DGKH: variants seen among roughly 807,000 people sequenced by gnomAD.
The protein encoded by DGKH is DAG kinase eta.
DGKH carries 90 observed loss-of-function variants against 159.3 expected under a neutral mutation model. That is an observed-to-expected ratio of 0.57 (90% CI 0.48 to 0.67). DGKH has a LOEUF of 0.67. Ranked by LOEUF, DGKH falls within the 30% of genes least tolerant of loss-of-function variation. DGKH has a pLI of 0.00. For synonymous variants in DGKH, 536 were observed against 553.8 expected (o/e 0.97, Z 0.45); for missense variants, 1,181 against 1,506.1 (o/e 0.78, Z 3.57).
At chr13:42,195,041 G>A (rs1566179262) in intron 17 of DGKH, 25 bp downstream of exon 17, 1 of 1,602,098 alleles carries the variant, frequency 6.2e-7, no homozygotes, top group Admixed American at 1.8e-5. Flanking sequence ...GAAACATCGT[G>A]TATTTTTCAG....
intron 27 of DGKH, 115 bp downstream of exon 27, chr13:42,219,464 A>T (rs760081215): frequency 4.8e-6 from 7 of 1,452,032 alleles, no homozygotes; most frequent in Non-Finnish European, 5.6e-6. Flanking sequence ...ACTACTTTCA[A>T]ATGTTCTGTT....
chr13:42,215,542 A>G, intron 25 of DGKH, 33 bp from the exon 26 acceptor site: 2 of 1,494,970 alleles, frequency 1.3e-6, no homozygotes, highest in South Asian at 1.2e-5. Flanking sequence ...ATTTTAATAC[A>G]GATCACATGT....
intron 1 of DGKH, among the ~76,000 whole-genome samples, chr13:42,119,871 A>C (rs559710048): frequency 1.1e-4 from 16 of 151,938 alleles, no homozygotes; most frequent in Non-Finnish European, 2.4e-4. Flanking sequence ...TATACCTCTT[A>C]TTTTTTGCAC....
At chr13:42,226,367 T>A (rs1234030169) in intron 29 of DGKH, among the ~76,000 whole-genome samples, 1 of 152,140 alleles carries the variant, frequency 6.6e-6, no homozygotes, top group African/African-American at 2.4e-5. Context: ...ATTAGTTCAA[T>A]CATTGTGGAA....
chr13:42,079,794 A>C (rs142863774), intron 1 of DGKH, among the ~76,000 whole-genome samples: 1,679 of 152,316 alleles, frequency 0.011, 39 homozygotes, highest in African/African-American at 0.038. Flanking sequence ...ATTTTACCAC[A>C]GTTTGTGCAC....
At chr13:42,182,462 C>T (rs982535941) in intron 13 of DGKH, among the ~76,000 whole-genome samples, 6 of 152,126 alleles carry the variant, frequency 3.9e-5, no homozygotes, top group East Asian at 3.8e-4. Flanking sequence ...TTCATAGGTA[C>T]TCAAGTCCCT....
Position 42,052,690 on chromosome 13 carries a change from A to C in DGKH, c.192+3725A>C, listed in dbSNP as rs1229552567. ...ATTGGGTTTTGAGGATGAATGTGAA[A>C]GAAGCTTTGTGTGTTTTTTGTTGGC... On this transcript the variant is annotated intron_variant, in intron 1 of 29. Transcript: ENST00000337343. 2.0e-5 allele frequency among the ~76,000 whole-genome samples: 3 copies of C among 152,264 alleles called. No individual in the cohort carries two copies. The East Asian group carries it at 5.8e-4, about 29-fold the overall frequency.
chr13:42,088,112 C>A (rs1020020007), intron 1 of DGKH, among the ~76,000 whole-genome samples: 1 of 151,990 alleles, frequency 6.6e-6, no homozygotes, highest in African/African-American at 2.4e-5. Flanking sequence ...GACAATAGAG[C>A]GACAGTTTTA....
chr13:42,065,740 T>C (rs1416386185), intron 1 of DGKH, among the ~76,000 whole-genome samples: 7 of 151,966 alleles, frequency 4.6e-5, no homozygotes, highest in Non-Finnish European at 1.0e-4. Context: ...GAGGCCGGGG[T>C]CCCATCGGAG....
chr13:42,165,755 A>G (rs927782413), intron 8 of DGKH, among the ~76,000 whole-genome samples: 7 of 151,996 alleles, frequency 4.6e-5, no homozygotes, highest in African/African-American at 9.7e-5. Context: ...TTTTTCCTCT[A>G]TAATTGAAAC....
chr13:42,070,184 C>T (rs1165094143), intron 1 of DGKH: 14 of 950,008 alleles, frequency 1.5e-5, no homozygotes, highest in Non-Finnish European at 2.3e-5. Flanking sequence ...ATTAACCAAT[C>T]CATGGGGCTA....
chr13:42,199,800 T>C lies in DGKH; in HGVS notation c.2397-13T>C. 6.3e-7 allele frequency: 1 copy of C among 1,594,512 alleles called. No homozygotes were observed. On this transcript the variant is annotated splice_polypyrimidine_tract_variant and intron_variant, in intron 19 of 29. Coordinates refer to ENST00000337343, the MANE Select transcript of DGKH (RefSeq NM_178009.5). ...AAAATTTCCTGAAATTGCCTGCCAA[T>C]ATTTATTTTCAGGAGCCGAACTAAA...
In DGKH at chr13:42,209,400, G is replaced by C. The variant is rs1957582396; in HGVS notation, c.2785G>C (p.Val929Leu). 1 of 1,613,674 alleles carries C rather than the reference G, an allele frequency of 6.2e-7. No individual in the cohort carries two copies. The highest frequency in any genetic ancestry group is 8.5e-7 in the Non-Finnish European group (1 of 1,179,796). ...AGTGCAAGTGGATGGTGAAGCGTGG[G>C]TTCAGCCTCCAGGGATTATCAAAAT... is the stretch of plus-strand genomic sequence containing the variant. ...VPVQVDGEAW[V>L]QPPGIIKIVH... Residue 929 changes from valine to leucine, a missense_variant, in exon 23 of 30, where the codon GTT (valine) becomes CTT (leucine). Val to Leu is a conservative substitution (Grantham distance 32, BLOSUM62 1). Transcript: ENST00000337343.
intron 29 of DGKH, chr13:42,225,139 T>G (rs1594241901): frequency 1.5e-6 from 1 of 670,530 alleles, no homozygotes. Flanking sequence ...TCCAGGCTGG[T>G]CTTGAACTCC....
At chr13:42,184,794 G>A (rs1308825824) in intron 13 of DGKH, among the ~76,000 whole-genome samples, 1 of 151,914 alleles carries the variant, frequency 6.6e-6, no homozygotes, top group African/African-American at 2.4e-5. Context: ...TTGAGCCCAG[G>A]AGTTCAGGGA....
At chr13:42,141,122 A>G (rs993233277) in intron 3 of DGKH, among the ~76,000 whole-genome samples, 1 of 142,698 alleles carries the variant, frequency 7.0e-6, no homozygotes, top group Non-Finnish European at 1.5e-5. Context: ...CTCATTCTTC[A>G]ATTCCCACCT....
intron 1 of DGKH, among the ~76,000 whole-genome samples, chr13:42,086,109 G>C (rs1178737966): frequency 3.3e-5 from 5 of 151,974 alleles, no homozygotes; most frequent in African/African-American, 4.8e-5. Flanking sequence ...GTAAAGATGG[G>C]GTTTCATCAT....
chr13:42,120,997 T>C (rs1223947016), intron 1 of DGKH, among the ~76,000 whole-genome samples: 1 of 151,872 alleles, frequency 6.6e-6, no homozygotes, highest in Non-Finnish European at 1.5e-5. Context: ...GTTCCAGAAG[T>C]AGTTTGTTTA....
chr13:42,155,263 A>G, intron 3 of DGKH, 28 bp from the exon 4 acceptor site: 1 of 1,525,430 alleles, frequency 6.6e-7, no homozygotes, highest in South Asian at 1.2e-5. Context: ...GGGTATTAAC[A>G]ATCATTAGAT....
Sources: allele counts gnomAD v4.1 joint callset (sites outside exome capture counted in the v4.1 genomes callset), GRCh38; gene constraint gnomAD v4.1.1; transcripts MANE v1.5; gene names NCBI Gene and HGNC (gene_info 2026-07-23, HGNC 2026-07-21).